TUSC3: variants seen among roughly 807,000 people sequenced by gnomAD.
TUSC3 encodes the protein tumor suppressor candidate 3.
A neutral mutation model predicts 44.8 loss-of-function variants in TUSC3; 45 were observed. That is an observed-to-expected ratio of 1.00 (90% CI 0.79 to 1.29). The LOEUF is 1.29. Ranked by LOEUF, TUSC3 falls within the 50% of genes most tolerant of loss-of-function variation. The probability of loss-of-function intolerance (pLI) is 0.00; values close to 1 mark genes in which losing one functional copy is unlikely to be tolerated. For missense variants in TUSC3, 519 were observed against 437.9 expected (o/e 1.19, Z -1.65); for synonymous variants, 212 against 152.9 (o/e 1.39, Z -2.85).
chr8:15,810,260 A>G, the TUSC3 span, among the ~76,000 whole-genome samples: 1 of 152,152 alleles, frequency 6.6e-6, no homozygotes, highest in Admixed American at 6.6e-5. Flanking sequence ...CTTTGTAGCT[A>G]AAGAACCCCT....
intron 1 of TUSC3, among the ~76,000 whole-genome samples, chr8:15,469,184 C>T (rs530254446): frequency 9.2e-5 from 14 of 152,278 alleles, no homozygotes; most frequent in African/African-American, 3.4e-4. Flanking sequence ...TAAAATTAAA[C>T]TTCTTCTCTG....
chr8:15,654,961 A>G (rs1005554323), intron 3 of TUSC3, among the ~76,000 whole-genome samples: 11 of 152,112 alleles, frequency 7.2e-5, no homozygotes, highest in South Asian at 2.1e-4. Context: ...CTTTATTTTT[A>G]TATGCCTCTA....
Position 15,644,310 on chromosome 8 carries a change from A to C in TUSC3, c.309-6387A>C, listed in dbSNP as rs371559559. 2.0e-5 allele frequency among the ~76,000 whole-genome samples: 3 copies of C among 152,312 alleles called. No individual in the cohort carries two copies. In the East Asian group the frequency reaches 5.8e-4, roughly 29 times the overall value. On this transcript the variant is annotated intron_variant, in intron 2 of 10. Transcript: ENST00000503731. ...ACTGCCCTCTTCAGGCTGCATAAGT[A>C]TATATTAGAATTTATGGCGTTCACT...
chr8:15,577,405 G>C (rs1040490227), intron 1 of TUSC3, among the ~76,000 whole-genome samples: 9 of 151,812 alleles, frequency 5.9e-5, no homozygotes, highest in African/African-American at 1.2e-4. Flanking sequence ...TGTCCTGAAT[G>C]GTAAATGCCT....
At chr8:15,785,639 A>G in the TUSC3 span, among the ~76,000 whole-genome samples, 1 of 151,934 alleles carries the variant, frequency 6.6e-6, no homozygotes, top group Non-Finnish European at 1.5e-5. Context: ...CCACTCCCTT[A>G]CCTCCAACCA....
rs2129225958 is a variant in TUSC3 at position 15,764,681 on chromosome 8, T to G, written c.*525T>G. On this transcript the variant is annotated 3_prime_UTR_variant, in exon 11 of 11. Transcript: ENST00000503731. ...TGCACTGTTACGAATAGTGTTTTGT[T>G]ATTAATTATAACTAGATAAAGGTAT... 1 of 161,412 alleles carries G rather than the reference T, an allele frequency of 6.2e-6. No individual in the cohort carries two copies. Among genetic ancestry groups the G allele is most frequent in the Non-Finnish European group, 1.4e-5 (1 of 73,458 alleles). 10.0% of individuals were successfully genotyped at this position (161,412 alleles called of 1,614,324 possible).
intron 2 of TUSC3, among the ~76,000 whole-genome samples, chr8:15,484,586 A>G (rs1211524106): frequency 1.3e-5 from 2 of 152,252 alleles, no homozygotes; most frequent in Non-Finnish European, 2.9e-5. Context: ...GGGCATAGAT[A>G]AAAAGTAAAA....
intron 9 of TUSC3, 69 bp from the exon 10 acceptor site, chr8:15,757,722 C>T: frequency 6.8e-7 from 1 of 1,471,902 alleles, no homozygotes. Context: ...TAATATTGTA[C>T]AAATGGAAAT....
At chr8:15,763,325 T>C (rs1034252319) in intron 10 of TUSC3, among the ~76,000 whole-genome samples, 1 of 151,752 alleles carries the variant, frequency 6.6e-6, no homozygotes, top group Admixed American at 6.6e-5. Flanking sequence ...TAGGATGATA[T>C]GATTTAAACA....
At chr8:15,708,379 A>G (rs1248801101) in intron 6 of TUSC3, among the ~76,000 whole-genome samples, 1 of 151,964 alleles carries the variant, frequency 6.6e-6, no homozygotes, top group Non-Finnish European at 1.5e-5. Context: ...AGAAGCCTGT[A>G]AACCTTTGAG....
chr8:15,486,237 A>G (rs752351770), intron 2 of TUSC3, among the ~76,000 whole-genome samples: 4 of 152,208 alleles, frequency 2.6e-5, no homozygotes, highest in African/African-American at 7.2e-5. Flanking sequence ...GCCGGCTATA[A>G]TAAGTCTGTA....
intron 7 of TUSC3, among the ~76,000 whole-genome samples, chr8:15,733,943 C>T (rs113342066): frequency 2.0e-5 from 3 of 152,158 alleles, no homozygotes; most frequent in Non-Finnish European, 4.4e-5. Context: ...ACTTGGGAGG[C>T]GGAGGCAGGA....
chr8:15,475,175 A>G (rs927981883), intron 1 of TUSC3, among the ~76,000 whole-genome samples: 1 of 152,082 alleles, frequency 6.6e-6, no homozygotes, highest in Admixed American at 6.6e-5. Context: ...AAACTATCCT[A>G]TTTAGTCGTC....
At chr8:15,518,022 C>T (rs139856185) in intron 2 of TUSC3, among the ~76,000 whole-genome samples, 160 of 152,072 alleles carry the variant, frequency 1.1e-3, no homozygotes, top group African/African-American at 3.4e-3. Flanking sequence ...CTGTTCCTAC[C>T]TCCTCCTTAC....
At chr8:15,749,639 A>G (rs1264739403) in intron 9 of TUSC3, among the ~76,000 whole-genome samples, 1 of 150,310 alleles carries the variant, frequency 6.7e-6, no homozygotes, top group Non-Finnish European at 1.5e-5. Context: ...CAGGTTTTTC[A>G]TTTTACTCTT....
At chr8:15,423,990 T>TG (rs1563247254) in intron 1 of TUSC3, among the ~76,000 whole-genome samples, 12 of 127,930 alleles carry the variant, frequency 9.4e-5, no homozygotes, top group South Asian at 2.6e-4. Flanking sequence ...TTTTTTTTTT[T>TG]TTTTTTTTTT....
intron 2 of TUSC3, 131 bp from the exon 3 acceptor site, chr8:15,650,566 A>G: frequency 1.4e-6 from 1 of 707,360 alleles, no homozygotes; most frequent in East Asian, 2.6e-5. Context: ...AAAATATTTT[A>G]AAAACTATGC....
At chr8:15,620,883 C>G (rs1306814062) in intron 1 of TUSC3, among the ~76,000 whole-genome samples, 1 of 152,128 alleles carries the variant, frequency 6.6e-6, no homozygotes, top group Admixed American at 6.6e-5. Context: ...CAGTTACTTA[C>G]TGTTTTCATA....
intron 1 of TUSC3, among the ~76,000 whole-genome samples, chr8:15,571,605 A>C (rs577902304): frequency 6.6e-6 from 1 of 152,142 alleles, no homozygotes. Flanking sequence ...CTGGCTGCTG[A>C]TGGTGGGAGC....
Sources: gnomAD v4.1 joint callset for allele counts (sites outside exome capture counted in the v4.1 genomes callset) on GRCh38, gnomAD v4.1.1 for gene constraint, MANE v1.5 for transcripts, NCBI Gene and HGNC (gene_info 2026-07-23, HGNC 2026-07-21) for gene names.